The following C16orf95 variants were observed in gnomAD, a reference collection of about 807,000 sequenced individuals.
The protein encoded by C16orf95 is uncharacterized protein C16orf95.
C16orf95 carries 41 observed loss-of-function variants against 32.1 expected under a neutral mutation model. The observed-to-expected ratio is 1.28, with a 90% CI of 1.00 to 1.66. The LOEUF (loss-of-function observed/expected upper bound fraction) is 1.66. Among genes scored for constraint, C16orf95 ranks in the 40% most tolerant of loss-of-function variants. The pLI is 0.00. For synonymous variants in C16orf95, 147 were observed against 128.9 expected (o/e 1.14, Z -0.95); for missense variants, 399 against 325.9 (o/e 1.22, Z -1.73).
chr16:87,308,788 T>C (rs1475886680), intron 5 of C16orf95, among the ~76,000 whole-genome samples: 5 of 152,254 alleles, frequency 3.3e-5, no homozygotes, highest in Admixed American at 3.3e-4. Flanking sequence ...CTGAAAGCTC[T>C]ATTCTTGTCT....
rs372760407 is a variant in C16orf95 at position 87,305,504 on chromosome 16, C to T, written c.701+215G>A. Among the ~76,000 whole-genome samples, 35 of 152,210 alleles carry T rather than the reference C, an allele frequency of 2.3e-4. No homozygotes were observed. The South Asian group carries it at 7.3e-3, about 32-fold the overall frequency. ...TGGAAGTGCCCCACGAGGCCCCCGC[C>T]GCCCCCAGGCTGCCCTGGCATCTCT... is the stretch of plus-strand genomic sequence containing the variant. On this transcript the variant is annotated intron_variant, in intron 6 of 6. Transcript: ENST00000567970. The surrounding 1 kb of genome is among the most constrained non-coding windows in gnomAD (Gnocchi z 4.2).
intron 3 of C16orf95, among the ~76,000 whole-genome samples, chr16:87,311,786 C>T (rs1321578959): frequency 1.3e-5 from 2 of 152,234 alleles, no homozygotes; most frequent in Non-Finnish European, 2.9e-5. Flanking sequence ...AGGATACTTT[C>T]ACATCTGCAA....
chr16:87,316,462 A>T (rs1030798922), intron 1 of C16orf95, among the ~76,000 whole-genome samples: 1 of 152,174 alleles, frequency 6.6e-6, no homozygotes, highest in African/African-American at 2.4e-5. Flanking sequence ...AAACCGTAAG[A>T]GCGATATAAG....
Position 87,315,074 on chromosome 16 carries a change from A to G in C16orf95, c.227T>C (p.Ile76Thr). Residue 76 changes from isoleucine (I) to threonine (T), a missense_variant, in exon 3 of 7, where the codon ATC becomes ACC. Ile to Thr is a moderately conservative substitution (Grantham distance 89). Coordinates refer to ENST00000567970, the MANE Select transcript of C16orf95 (RefSeq NM_001195124.3). ...RHSMHPGPWA[I>T]CCECQTRFGG... is the part of the protein sequence containing the mutation. ...GAATCTGGTCTGGCATTCACAGCAG[A>G]TGGCCCAGGGGCCAGGGTGCATCTG... 1 of 1,536,106 alleles carries G rather than the reference A, an allele frequency of 6.5e-7. No individual in the cohort carries two copies. The highest frequency in any genetic ancestry group is 8.7e-7 in the Non-Finnish European group (1 of 1,146,872).
At chr16:87,309,368 T>C (rs1295782271) in intron 5 of C16orf95, among the ~76,000 whole-genome samples, 1 of 135,344 alleles carries the variant, frequency 7.4e-6, no homozygotes, top group African/African-American at 2.9e-5. Flanking sequence ...TTTTTCTTTC[T>C]TTTCTTTTTT....
In C16orf95 at chr16:87,317,379, A is replaced by G; in HGVS notation, c.-137T>C. ...CCCAGCCCCAACCTCAACCGCTCAG[A>G]GGAGCCCAACAACGCCCGCGCGCCC... On this transcript the variant is annotated 5_prime_UTR_variant, in exon 1 of 7. Transcript: ENST00000567970. 1 of 1,399,254 alleles carries G rather than the reference A, an allele frequency of 7.1e-7. No homozygotes were observed. The allele number at this position is 1,399,254 out of a possible 1,614,324, so 86.7% of individuals were successfully genotyped here.
At chr16:87,315,132 A>T in intron 2 of C16orf95, 36 bp from the exon 3 acceptor site, 4 of 1,532,492 alleles carry the variant, frequency 2.6e-6, no homozygotes, top group Non-Finnish European at 3.5e-6. Flanking sequence ...ACTGAGCTTG[A>T]TGCTGCATTT....
intron 3 of C16orf95, among the ~76,000 whole-genome samples, chr16:87,312,258 G>A (rs1380525590): frequency 6.6e-6 from 1 of 152,192 alleles, no homozygotes; most frequent in Non-Finnish European, 1.5e-5. Flanking sequence ...TCTGCACGTA[G>A]TGGTAGAGGC....
At chr16:87,306,090 T>C (rs1911015430) in intron 5 of C16orf95, 185 bp from the exon 6 acceptor site, 2 of 439,014 alleles carry the variant, frequency 4.6e-6, no homozygotes, top group Non-Finnish European at 7.9e-6. Flanking sequence ...GGGTTTATGA[T>C]ATCCTGGGTA....
At chr16:87,310,397 A>T in intron 4 of C16orf95, 64 bp from the exon 5 acceptor site, 2 of 1,491,038 alleles carry the variant, frequency 1.3e-6, no homozygotes, top group Non-Finnish European at 1.8e-6. Context: ...AGGCCTGGTG[A>T]TTGGGACTCC....
At position 87,315,779 on chromosome 16, in the gene C16orf95, C is replaced by T. The variant is rs567528534; in HGVS notation, c.197G>A (p.Arg66His). 70 of 1,528,948 alleles carry T rather than the reference C, an allele frequency of 4.6e-5. No individual in the cohort carries two copies. The highest frequency in any genetic ancestry group is 3.0e-4 in the South Asian group (25 of 82,784). 94.7% of individuals were successfully genotyped at this position (1,528,948 alleles called of 1,614,324 possible). The change falls in exon 2 of 7, where the codon CGT becomes CAT. Residue 66 changes from arginine to histidine, a missense_variant. Coordinates refer to ENST00000567970, the MANE Select transcript of C16orf95 (RefSeq NM_001195124.3). Reference protein sequence around the residue: ...QTYKKEVCLPRHSMHPGPWAI... With the variant: ...QTYKKEVCLPHHSMHPGPWAI... ...AGGATTTGCTTTCCTTACCGAATGA[C>T]GGGGGAGGCACACTTCTTTCTTGTA... is the stretch of plus-strand genomic sequence containing the variant.
chr16:87,313,193 T>TA (rs56015859), intron 3 of C16orf95, among the ~76,000 whole-genome samples: 70,281 of 139,400 alleles, frequency 0.5, 17,626 homozygotes, highest in Non-Finnish European at 0.59. Context: ...ACATGGAAAT[T>TA]AAAAAAAAAA....
rs1426425096 is a variant in C16orf95, at chr16:87,305,743, A to G, written c.677T>C (p.Ile226Thr). The G allele has an allele frequency of 6.6e-7, 1 of 1,513,012 alleles. No individual in the cohort carries two copies. The highest frequency in any genetic ancestry group is 1.4e-5 in the African/African-American group (1 of 70,664). The allele number at this position is 1,513,012 out of a possible 1,614,324, so 93.7% of individuals were successfully genotyped here. A position where few individuals can be genotyped will look rare whatever the true frequency, so the allele number is the denominator to read the frequency against. ...CCGAATGGCCATGATGACCCTCGGGATGGCCTGGAGGAGGGTCAGGAGGCC... is the reference window on the plus strand; with the variant it reads ...CCGAATGGCCATGATGACCCTCGGGGTGGCCTGGAGGAGGGTCAGGAGGCC... ...PLGLLTLLQA[I>T]PRVIMAIRQC... The change falls in exon 6 of 7, where the codon ATC becomes ACC. Residue 226 changes from isoleucine to threonine, a missense_variant. Transcript: ENST00000567970. The surrounding 1 kb of genome is among the most constrained non-coding windows in gnomAD (Gnocchi z 4.2).
At position 87,317,257 on chromosome 16, in the gene C16orf95, CT is replaced by C; in HGVS notation, c.-16del. ...CTCGCACGCATATGGCTTCTTATGG[CT>C]GACGCGCCCTTTCACACACACATCG... On this transcript the variant is annotated 5_prime_UTR_variant, in exon 1 of 7. Coordinates refer to ENST00000567970, the MANE Select transcript of C16orf95 (RefSeq NM_001195124.3). 1 of 1,508,244 alleles carries C rather than the reference CT, an allele frequency of 6.6e-7. No individual in the cohort carries two copies. The highest frequency in any genetic ancestry group is 8.8e-7 in the Non-Finnish European group (1 of 1,131,120). The allele number at this position is 1,508,244 out of a possible 1,614,324, so 93.4% of individuals were successfully genotyped here. A position where few individuals can be genotyped will look rare whatever the true frequency, so the allele number is the denominator to read the frequency against.
In C16orf95 at chr16:87,315,015, C is replaced by G; in HGVS notation, c.286G>C (p.Ala96Pro). 6.5e-7 allele frequency: 1 copy of G among 1,536,132 alleles called. No individual in the cohort carries two copies. Among genetic ancestry groups the G allele is most frequent in the African/African-American group, 1.4e-5 (1 of 73,164 alleles). Residue 96 changes from alanine to proline, a missense_variant, in exon 3 of 7, where the codon GCA becomes CCA. By Grantham distance (27) the Ala-to-Pro change is conservative. Coordinates refer to ENST00000567970, the MANE Select transcript of C16orf95 (RefSeq NM_001195124.3). ...GRLPVSRVEA[A>P]LPYWVPLSLR... ...GACAGAGGGACCCAGTAAGGCAGTG[C>G]TGCTTCCACCCTGGACACAGGCAGG...
At chr16:87,312,177 C>T (rs757304073) in intron 3 of C16orf95, among the ~76,000 whole-genome samples, 6 of 152,102 alleles carry the variant, frequency 3.9e-5, no homozygotes, top group African/African-American at 9.7e-5. Flanking sequence ...CTCTCAGCTG[C>T]GGGTTCAACG....
chr16:87,311,076 T>G, intron 4 of C16orf95, 74 bp downstream of exon 4: 1 of 1,337,782 alleles, frequency 7.5e-7, no homozygotes, highest in Non-Finnish European at 9.9e-7. Context: ...CTTCCCCTTC[T>G]TCCTCCCATC....
At chr16:87,303,228 G>T in intron 6 of C16orf95, 153 bp from the exon 7 acceptor site, 1 of 740,108 alleles carries the variant, frequency 1.4e-6, no homozygotes, top group Non-Finnish European at 2.3e-6. Context: ...AAGGGGTGCA[G>T]GGATGAGGGG....
rs1331897427 is a variant in C16orf95 at position 87,315,005 on chromosome 16, T to C, written c.296A>G (p.Tyr99Cys). 3 of 1,536,056 alleles carry C rather than the reference T, an allele frequency of 2.0e-6. No individual in the cohort carries two copies. In the East Asian group the frequency reaches 7.3e-5, roughly 38 times the overall value. ...GGGTCTCAGGGACAGAGGGACCCAG[T>C]AAGGCAGTGCTGCTTCCACCCTGGA... ...PVSRVEAALP[Y>C]WVPLSLRPRK... Residue 99 changes from tyrosine (Y) to cysteine (C), a missense_variant, in exon 3 of 7, where the codon TAC (tyrosine) becomes TGC (cysteine). By Grantham distance (194) the Tyr-to-Cys change is radical. Transcript: ENST00000567970.
Sources: gnomAD v4.1 joint callset for allele counts (sites outside exome capture counted in the v4.1 genomes callset) on GRCh38, gnomAD v4.1.1 for gene constraint, Gnocchi (gnomAD v3.1) non-coding constraint, MANE v1.5 for transcripts, NCBI Gene and HGNC (gene_info 2026-07-23, HGNC 2026-07-21) for gene names.